Variants in DPP10 observed in about 807,000 individuals in gnomAD.
DPP10 encodes the protein inactive dipeptidyl peptidase 10.
DPP10 carries 33 observed loss-of-function variants against 120.9 expected under a neutral mutation model. The ratio of observed to expected loss-of-function variants is 0.27; its 90% confidence interval spans 0.21 to 0.37. DPP10 has a LOEUF of 0.37. Among genes scored for constraint, DPP10 ranks in the 10% least tolerant of loss-of-function variants. DPP10 has a pLI of 1.00. For synonymous variants in DPP10, 337 were observed against 326.1 expected (o/e 1.03, Z -0.36); for missense variants, 816 against 942.8 (o/e 0.87, Z 1.76).
intron 4 of DPP10, among the ~76,000 whole-genome samples, chr2:115,510,427 A>G (rs1359437406): frequency 6.6e-6 from 1 of 152,070 alleles, no homozygotes; most frequent in Admixed American, 6.6e-5. Flanking sequence ...TTTCTGTTGA[A>G]TAATTTTGGC....
intron 1 of DPP10, among the ~76,000 whole-genome samples, chr2:114,519,479 C>T (rs1019101141): frequency 2.0e-5 from 3 of 152,202 alleles, no homozygotes; most frequent in Non-Finnish European, 4.4e-5. Context: ...GTCTGAGATA[C>T]CCAATGATAT....
chr2:115,131,986 A>G (rs1308559356), intron 1 of DPP10: 1 of 151,962 alleles, frequency 6.6e-6, no homozygotes, highest in Admixed American at 6.6e-5. Context: ...GCTACTCTGG[A>G]GGCTGGGGCA....
intron 1 of DPP10, among the ~76,000 whole-genome samples, chr2:115,180,140 T>C (rs1051582544): frequency 2.0e-5 from 3 of 152,114 alleles, no homozygotes; most frequent in Non-Finnish European, 4.4e-5. Context: ...TGGAAAGTGG[T>C]TTTTAGAGTT....
chr2:115,377,404 T>G (rs1418855430), intron 3 of DPP10, among the ~76,000 whole-genome samples: 2 of 152,162 alleles, frequency 1.3e-5, no homozygotes, highest in African/African-American at 4.8e-5. Flanking sequence ...GGGTTGTTTG[T>G]TTTTTTCTTG....
chr2:114,735,560 C>A (rs1677345582), intron 1 of DPP10, among the ~76,000 whole-genome samples: 1 of 151,838 alleles, frequency 6.6e-6, no homozygotes, highest in East Asian at 1.9e-4. Flanking sequence ...CTTTCTTTTC[C>A]TTTTTTCTAA....
intron 1 of DPP10, among the ~76,000 whole-genome samples, chr2:114,661,834 C>T (rs2105552187): frequency 6.6e-6 from 1 of 152,248 alleles, no homozygotes; most frequent in African/African-American, 2.4e-5. Context: ...TTTCTTCATT[C>T]AGCAACATCA....
At chr2:115,317,169 C>T (rs1325923161) in intron 2 of DPP10, among the ~76,000 whole-genome samples, 1 of 152,072 alleles carries the variant, frequency 6.6e-6, no homozygotes, top group African/African-American at 2.4e-5. Flanking sequence ...AGTTGCTCCT[C>T]ATATCCCACC....
chr2:114,869,117 C>A (rs865900102), intron 1 of DPP10, among the ~76,000 whole-genome samples: 3 of 152,026 alleles, frequency 2.0e-5, no homozygotes, highest in Non-Finnish European at 4.4e-5. Flanking sequence ...GGCTTCAGAG[C>A]AACACTGTAC....
chr2:114,610,592 G>A (rs778288649), intron 1 of DPP10, among the ~76,000 whole-genome samples: 4 of 152,080 alleles, frequency 2.6e-5, no homozygotes, highest in Non-Finnish European at 5.9e-5. Context: ...TAGCAGAATT[G>A]GAAGGAAGAA....
intron 1 of DPP10, among the ~76,000 whole-genome samples, chr2:114,527,280 C>G (rs190070159): frequency 3.0e-4 from 46 of 152,272 alleles, no homozygotes; most frequent in Admixed American, 2.3e-3. Flanking sequence ...CTCTATCTCT[C>G]TATAAAAAAT....
intron 1 of DPP10, among the ~76,000 whole-genome samples, chr2:114,671,402 G>A (rs185883677): frequency 6.6e-5 from 10 of 152,180 alleles, no homozygotes; most frequent in Admixed American, 2.0e-4. Flanking sequence ...TGTGATCTCC[G>A]ATGTTGGAGG....
At chr2:114,502,871 T>C (rs1473590946) in intron 1 of DPP10, among the ~76,000 whole-genome samples, 1 of 152,216 alleles carries the variant, frequency 6.6e-6, no homozygotes, top group Non-Finnish European at 1.5e-5. Context: ...GAGATCAGAC[T>C]AAGTGTGAAT....
intron 19 of DPP10, among the ~76,000 whole-genome samples, chr2:115,799,590 C>G (rs1191504683): frequency 1.7e-5 from 2 of 115,650 alleles, no homozygotes; most frequent in East Asian, 6.5e-4. Context: ...CCCCCTCCCC[C>G]CACCCCACAA....
At chr2:114,728,078 C>A (rs891507477) in intron 1 of DPP10, among the ~76,000 whole-genome samples, 1 of 152,184 alleles carries the variant, frequency 6.6e-6, no homozygotes, top group African/African-American at 2.4e-5. Context: ...TTTCCTTCTT[C>A]TCTTTTCCAT....
At chr2:114,892,763 A>G (rs1692644725) in intron 1 of DPP10, among the ~76,000 whole-genome samples, 1 of 152,138 alleles carries the variant, frequency 6.6e-6, no homozygotes, top group Admixed American at 6.6e-5. Flanking sequence ...GAGGCTTTTT[A>G]ATCACTTTAA....
chr2:114,568,651 C>T (rs1689396892), intron 1 of DPP10, among the ~76,000 whole-genome samples: 1 of 152,202 alleles, frequency 6.6e-6, no homozygotes, highest in Admixed American at 6.5e-5. Context: ...AAAATGACCT[C>T]ATGCAATTGT....
chr2:115,144,307 G>C (rs1366052745), intron 1 of DPP10: 6 of 152,002 alleles, frequency 3.9e-5, no homozygotes, highest in African/African-American at 1.5e-4. Context: ...TGCTCTCCAC[G>C]GGGAAATGTA....
chr2:115,149,359 G>T (rs1371167898), intron 1 of DPP10, among the ~76,000 whole-genome samples: 1 of 151,986 alleles, frequency 6.6e-6, no homozygotes, highest in African/African-American at 2.4e-5. Flanking sequence ...CTACAATTTG[G>T]TTACCCAGGG....
chr2:114,969,261 G>A (rs1699239208), intron 1 of DPP10, among the ~76,000 whole-genome samples: 1 of 152,120 alleles, frequency 6.6e-6, no homozygotes, highest in Admixed American at 6.5e-5. Flanking sequence ...ATAAAAAACA[G>A]AACTACATAA....
Sources: allele counts gnomAD v4.1 joint callset (sites outside exome capture counted in the v4.1 genomes callset), GRCh38; gene constraint gnomAD v4.1.1; transcripts MANE v1.5; gene names NCBI Gene and HGNC (gene_info 2026-07-23, HGNC 2026-07-21).